The following THSD7A variants were observed in gnomAD, a reference collection of about 807,000 sequenced individuals.
THSD7A encodes the protein thrombospondin type 1 domain containing 7A.
A neutral mutation model predicts 231.3 loss-of-function variants in THSD7A; 96 were observed. That is an observed-to-expected ratio of 0.41 (90% CI 0.35 to 0.49). The LOEUF (loss-of-function observed/expected upper bound fraction) is 0.49, where lower values mean the gene tolerates loss of function less well. Ranked by LOEUF, THSD7A falls within the 20% of genes least tolerant of loss-of-function variation. The pLI is 0.05. For missense variants in THSD7A, 2,290 were observed against 2,070.2 expected (o/e 1.11, Z -2.06); for synonymous variants, 940 against 743.3 (o/e 1.26, Z -4.30).
At chr7:11,684,564 A>G (rs1779964053) in intron 1 of THSD7A, among the ~76,000 whole-genome samples, 1 of 152,002 alleles carries the variant, frequency 6.6e-6, no homozygotes, top group Non-Finnish European at 1.5e-5. Flanking sequence ...AATGTACAAA[A>G]TTAGTAACAT....
chr7:11,447,428 A>G lies in THSD7A; in HGVS notation c.2606-4T>C. On this transcript the variant is annotated splice_polypyrimidine_tract_variant and splice_region_variant and intron_variant, in intron 11 of 27. Coordinates refer to ENST00000423059, the MANE Select transcript of THSD7A (RefSeq NM_015204.3). ...TCTTGCTTGCGACAAGTAATGGCTA[A>G]AAGAAAAGCATAAAGCTGTTATAAC... 2 of 1,544,714 alleles carry G rather than the reference A, an allele frequency of 1.3e-6. No homozygotes were observed. The highest frequency in any genetic ancestry group is 2.8e-5 in the African/African-American group (2 of 72,194).
At position 11,590,126 on chromosome 7, in the gene THSD7A, A is replaced by G. The variant is rs558092094; in HGVS notation, c.1453+334T>C. On this transcript the variant is annotated intron_variant, in intron 4 of 27. Transcript: ENST00000423059. The surrounding 1 kb of genome is among the most constrained non-coding windows in gnomAD (Gnocchi z 4.4). The stretch of plus-strand genomic sequence containing the variant: ...TATATAATTTTGGAATTTAGAATAT[A>G]TATTTGCATGATATGTGTATATTTA... 1.4e-3 allele frequency among the ~76,000 whole-genome samples: 206 copies of G among 152,340 alleles called. No homozygotes were observed. The highest frequency in any genetic ancestry group is 4.8e-3 in the African/African-American group (198 of 41,586).
chr7:11,541,405 T>TAC lies in THSD7A; in HGVS notation c.1822+12_1822+13dup, dbSNP rs755494240. 5.0e-6 allele frequency: 8 copies of TAC among 1,612,962 alleles called. No homozygotes were observed. Among genetic ancestry groups the TAC allele is most frequent in the Non-Finnish European group, 6.8e-6 (8 of 1,179,160 alleles). On this transcript the variant is annotated intron_variant, in intron 6 of 27. Coordinates refer to ENST00000423059, the MANE Select transcript of THSD7A (RefSeq NM_015204.3). Reference sequence around the variant, plus strand: ...TGGACATCCATAAAAACATAATAGATACGTCTGTCTTACCATCACTGTTGA... The same window carrying TAC: ...TGGACATCCATAAAAACATAATAGATACACGTCTGTCTTACCATCACTGTTGA...
intron 1 of THSD7A, among the ~76,000 whole-genome samples, chr7:11,716,395 C>A (rs577129944): frequency 3.1e-4 from 47 of 151,714 alleles, no homozygotes; most frequent in African/African-American, 1.1e-3. Flanking sequence ...GATTCAAGGA[C>A]AATGATGGGA....
chr7:11,608,256 A>T (rs1006628509), intron 2 of THSD7A, among the ~76,000 whole-genome samples: 3 of 152,144 alleles, frequency 2.0e-5, no homozygotes, highest in Non-Finnish European at 4.4e-5. Flanking sequence ...GCATTATGGA[A>T]TTTTTGCCTG....
chr7:11,735,134 A>G (rs1027953467), intron 1 of THSD7A, among the ~76,000 whole-genome samples: 7 of 151,856 alleles, frequency 4.6e-5, no homozygotes, highest in African/African-American at 1.7e-4. Context: ...GTACTCTTGG[A>G]GTGTCACCAA....
intron 1 of THSD7A, among the ~76,000 whole-genome samples, chr7:11,676,407 G>A (rs1022662534): frequency 1.3e-5 from 2 of 152,096 alleles, no homozygotes; most frequent in Admixed American, 6.5e-5. Context: ...AAACTGGATG[G>A]CAAATGAGTT....
chr7:11,488,918 G>T (rs996497250), intron 6 of THSD7A, among the ~76,000 whole-genome samples: 2 of 151,674 alleles, frequency 1.3e-5, no homozygotes, highest in Admixed American at 1.3e-4. Context: ...CCCATCTCTC[G>T]CTGTCTTCCT....
intron 13 of THSD7A, among the ~76,000 whole-genome samples, chr7:11,439,295 CT>C (rs1784729253): frequency 6.6e-6 from 1 of 151,926 alleles, no homozygotes; most frequent in Non-Finnish European, 1.5e-5. Flanking sequence ...CTTTATTTTG[CT>C]TTGCAGATCG....
rs374399601 is a variant in THSD7A at position 11,401,849 on chromosome 7, G to A, written c.4357C>T (p.Leu1453=). The A allele has an allele frequency of 3.9e-5, 63 of 1,613,572 alleles. No individual in the cohort carries two copies. In the African/African-American group the frequency reaches 7.4e-4, roughly 19 times the overall value. Residue 1453 remains leucine, a synonymous_variant, in exon 23 of 28, where the codon CTA becomes TTA. Coordinates refer to ENST00000423059, the MANE Select transcript of THSD7A (RefSeq NM_015204.3). ...TCTGGGCACAGATGCTGATTCTCTA[G>A]TTCTTGTATAATCACCGGTCTGGAT... is the stretch of plus-strand genomic sequence containing the variant. The part of the protein sequence containing the change: ...VRSRPVIIQE[L]ENQHLCPEQM...
chr7:11,565,059 T>C (rs1228296150), intron 4 of THSD7A, among the ~76,000 whole-genome samples: 1 of 152,162 alleles, frequency 6.6e-6, no homozygotes, highest in Non-Finnish European at 1.5e-5. Flanking sequence ...TTTTTCTAAA[T>C]AGGACATGTT....
intron 26 of THSD7A, 92 bp downstream of exon 26, chr7:11,378,978 C>T (rs1782393758): frequency 7.8e-6 from 9 of 1,155,306 alleles, no homozygotes; most frequent in South Asian, 1.4e-5. Context: ...ATCAATAGCT[C>T]ATATAAAAAT....
At chr7:11,787,499 A>G (rs1783827184) in intron 1 of THSD7A, among the ~76,000 whole-genome samples, 1 of 152,142 alleles carries the variant, frequency 6.6e-6, no homozygotes, top group Non-Finnish European at 1.5e-5. Flanking sequence ...AAATTTTCAA[A>G]AGATACAACT....
At chr7:11,391,815 TCA>T (rs1263262679) in intron 23 of THSD7A, among the ~76,000 whole-genome samples, 2 of 152,056 alleles carry the variant, frequency 1.3e-5, no homozygotes, top group Non-Finnish European at 2.9e-5. Context: ...AGTACACCGT[TCA>T]CAGTCTTTCA....
chr7:11,796,206 T>C (rs1208235057), intron 1 of THSD7A, among the ~76,000 whole-genome samples: 1 of 150,952 alleles, frequency 6.6e-6, no homozygotes, highest in African/African-American at 2.4e-5. Context: ...ATTGCTTTAA[T>C]ATATATTTGT....
intron 6 of THSD7A, among the ~76,000 whole-genome samples, chr7:11,509,019 A>G (rs1281356678): frequency 2.0e-5 from 3 of 152,216 alleles, no homozygotes; most frequent in Non-Finnish European, 4.4e-5. Context: ...ATATAACACT[A>G]TACCAACAGC....
In THSD7A at chr7:11,405,227, G is replaced by T. The variant is rs573948689; in HGVS notation, c.4237+1073C>A. Among the ~76,000 whole-genome samples the T allele has an allele frequency of 9.3e-5, 14 of 150,522 alleles. No homozygotes were observed. The East Asian group carries it at 2.7e-3, about 29-fold the overall frequency. On this transcript the variant is annotated intron_variant, in intron 22 of 27. Transcript: ENST00000423059. ...AGCTAGCCCATGTCAGTTTTTCCAGGTTTTAGGGACTCAATCCCATTTACA... is the reference window on the plus strand; with the variant it reads ...AGCTAGCCCATGTCAGTTTTTCCAGTTTTTAGGGACTCAATCCCATTTACA...
At chr7:11,796,143 T>C (rs544623873) in intron 1 of THSD7A, among the ~76,000 whole-genome samples, 4 of 149,438 alleles carry the variant, frequency 2.7e-5, no homozygotes, top group Non-Finnish European at 5.9e-5. Flanking sequence ...CATTGATTAA[T>C]CTTCATCGTC....
chr7:11,784,236 A>G (rs967185012), intron 1 of THSD7A, among the ~76,000 whole-genome samples: 3 of 151,066 alleles, frequency 2.0e-5, no homozygotes, highest in East Asian at 1.9e-4. Flanking sequence ...ATATATATGT[A>G]TGTGTGTGTG....
Sources: gnomAD v4.1 joint callset for allele counts (sites outside exome capture counted in the v4.1 genomes callset) on GRCh38, gnomAD v4.1.1 for gene constraint, Gnocchi (gnomAD v3.1) non-coding constraint, MANE v1.5 for transcripts, NCBI Gene and HGNC (gene_info 2026-07-23, HGNC 2026-07-21) for gene names.